MMEL1: variants seen among roughly 807,000 people sequenced by gnomAD.
The protein encoded by MMEL1 is membrane metallo-endopeptidase-like 1.
MMEL1 carries 98 observed loss-of-function variants against 117.1 expected under a neutral mutation model. That is an observed-to-expected ratio of 0.84 (90% CI 0.71 to 0.99). MMEL1 has a LOEUF of 0.99. Ranked by LOEUF, MMEL1 falls within the 50% of genes least tolerant of loss-of-function variation. MMEL1 has a pLI of 0.00. For missense variants in MMEL1, 1,014 were observed against 1,049.1 expected, an observed-to-expected ratio of 0.97 and a Z score of 0.46; for synonymous variants, 390 against 415.1, an observed-to-expected ratio of 0.94 and a Z score of 0.74.
At chr1:2,611,039 C>T (rs1043948355) in intron 4 of MMEL1, among the ~76,000 whole-genome samples, 1 of 152,248 alleles carries the variant, frequency 6.6e-6, no homozygotes, top group Non-Finnish European at 1.5e-5. Flanking sequence ...GTTCTTGGCA[C>T]GGGATGCTGT....
At chr1:2,600,209 C>T (rs948130502) in intron 11 of MMEL1, among the ~76,000 whole-genome samples, 2 of 151,998 alleles carry the variant, frequency 1.3e-5, no homozygotes, top group African/African-American at 4.8e-5. Context: ...CTCAGGTGAT[C>T]CACCTGCCTC....
intron 13 of MMEL1, 75 bp downstream of exon 13, chr1:2,598,132 C>T: frequency 7.1e-7 from 1 of 1,407,724 alleles, no homozygotes; most frequent in Non-Finnish European, 1.0e-6. Flanking sequence ...TCGGTGTTTG[C>T]CTACAGCTTA....
chr1:2,592,586 CCCCCTCCCCTGCCGCGCTGACG>C lies in MMEL1; in HGVS notation c.2067+47_2067+68del. 2 of 598,382 alleles carry C rather than the reference CCCCCTCCCCTGCCGCGCTGACG, an allele frequency of 3.3e-6. 1 individual carries two copies. The allele number at this position is 598,382 out of a possible 1,614,324, so 37.1% of individuals were successfully genotyped here. A position where few individuals can be genotyped will look rare whatever the true frequency, so the allele number is the denominator to read the frequency against. Reference sequence around the variant, plus strand: ...CGCCCCCTCCCCTGATGCACTGGCACCCCCTCCCCTGCCGCGCTGACGCCCCCTCCCCTGCCGCGCTGACGCC... The same window carrying C: ...CGCCCCCTCCCCTGATGCACTGGCACCCCCCTCCCCTGCCGCGCTGACGCC... On this transcript the variant is annotated intron_variant, in intron 21 of 23. Coordinates refer to ENST00000378412, the MANE Select transcript of MMEL1 (RefSeq NM_033467.4).
intron 2 of MMEL1, among the ~76,000 whole-genome samples, chr1:2,616,366 CA>C (rs1205438991): frequency 1.6e-5 from 2 of 126,904 alleles, no homozygotes; most frequent in South Asian, 2.6e-4. Flanking sequence ...AAAAAGCAGA[CA>C]AAAAAAGACA....
At chr1:2,614,929 G>A (rs777001532) in intron 2 of MMEL1, among the ~76,000 whole-genome samples, 17 of 151,808 alleles carry the variant, frequency 1.1e-4, no homozygotes, top group South Asian at 2.1e-4. Flanking sequence ...CCAAATTCAC[G>A]ATAATGGGGA....
intron 13 of MMEL1, among the ~76,000 whole-genome samples, 174 bp downstream of exon 13, chr1:2,598,033 G>A (rs1203962980): frequency 6.6e-6 from 1 of 152,242 alleles, no homozygotes; most frequent in Non-Finnish European, 1.5e-5. Flanking sequence ...GCAGAGCTAC[G>A]TTCTGCCTTG....
At chr1:2,594,667 A>AC (rs1644802431) in intron 17 of MMEL1, 123 bp downstream of exon 17, 3 of 929,806 alleles carry the variant, frequency 3.2e-6, no homozygotes, top group Non-Finnish European at 3.4e-6. Flanking sequence ...CAGTGACTGC[A>AC]CCCCTCAGCT....
intron 11 of MMEL1, 138 bp downstream of exon 11, chr1:2,603,740 TCAGGTA>T (rs1644971781): frequency 2.9e-6 from 2 of 680,208 alleles, no homozygotes; most frequent in Admixed American, 5.7e-5. Context: ...GTTTGGGTGA[TCAGGTA>T]CAGGGTCTCC....
intron 9 of MMEL1, 93 bp downstream of exon 9, chr1:2,605,465 G>A: frequency 9.0e-7 from 1 of 1,115,266 alleles, no homozygotes; most frequent in Non-Finnish European, 1.3e-6. Flanking sequence ...ACCAGCTTCG[G>A]GGAGGGAAGG....
intron 6 of MMEL1, 110 bp from the exon 7 acceptor site, chr1:2,607,179 C>T (rs543292206): frequency 6.9e-6 from 6 of 869,590 alleles, no homozygotes; most frequent in African/African-American, 5.0e-5. Flanking sequence ...ACAGCCCCTG[C>T]AGTGCTCCGC....
At chr1:2,608,456 C>T (rs1238027135) in intron 6 of MMEL1, among the ~76,000 whole-genome samples, 1 of 152,100 alleles carries the variant, frequency 6.6e-6, no homozygotes, top group East Asian at 1.9e-4. Context: ...TCCACATGCA[C>T]ACACAAGCAC....
chr1:2,593,171 G>A (rs746136294), intron 19 of MMEL1, among the ~76,000 whole-genome samples: 17 of 152,202 alleles, frequency 1.1e-4, no homozygotes, highest in Admixed American at 3.3e-4. Flanking sequence ...CCCCAGAGAA[G>A]GAGGGCTTCA....
chr1:2,627,974 C>T (rs1046104803), intron 2 of MMEL1, among the ~76,000 whole-genome samples: 1 of 152,192 alleles, frequency 6.6e-6, no homozygotes, highest in Admixed American at 6.5e-5. Flanking sequence ...GGGAGGGTCT[C>T]TCTGGGATGG....
In MMEL1 at chr1:2,606,230, C is replaced by G. The variant is rs1645024868; in HGVS notation, c.750+18G>C. 1 of 1,603,628 alleles carries G rather than the reference C, an allele frequency of 6.2e-7. No homozygotes were observed. Among genetic ancestry groups the G allele is most frequent in the Non-Finnish European group, 8.5e-7 (1 of 1,171,584 alleles). ...CTTGGGGACCCTGCCTACCCCTGCC[C>G]ACCGGCGCGGCTCGTACGTAGATGA... is the stretch of plus-strand genomic sequence containing the variant. On this transcript the variant is annotated intron_variant, in intron 8 of 23. Transcript: ENST00000378412.
At position 2,609,337 on chromosome 1, in the gene MMEL1, A is replaced by G; in HGVS notation, c.535+2T>C. 6.2e-7 allele frequency: 1 copy of G among 1,608,368 alleles called. No homozygotes were observed. The highest frequency in any genetic ancestry group is 8.5e-7 in the Non-Finnish European group (1 of 1,178,046). ...GGCCCCTTCCTGGCGGCCCCCACTC[A>G]CTCTGGTTCATGCAGGAGCGGTACA... On this transcript the variant is annotated splice_donor_variant, in intron 6 of 23. Transcript: ENST00000378412. LOFTEE classifies it high-confidence loss of function.
intron 2 of MMEL1, among the ~76,000 whole-genome samples, chr1:2,623,940 G>A (rs1378587873): frequency 6.6e-6 from 1 of 152,222 alleles, no homozygotes; most frequent in East Asian, 1.9e-4. Context: ...GGAAGGGCAG[G>A]AGATCCTTGT....
rs1644830175 is a variant in MMEL1, at chr1:2,595,927, G to GTCCTGTCTGCGCCT, written c.1500+81_1500+82insAGGCGCAGACAGGA. Reference sequence around the variant, plus strand: ...CCCGGGGCTGCCTTCTCCCCGTGGGGACCGTCAGGAGGCTTTGTCGGGGCG... The same window carrying GTCCTGTCTGCGCCT: ...CCCGGGGCTGCCTTCTCCCCGTGGGGTCCTGTCTGCGCCTACCGTCAGGAGGCTTTGTCGGGGCG... On this transcript the variant is annotated intron_variant, in intron 15 of 23. Coordinates refer to ENST00000378412, the MANE Select transcript of MMEL1 (RefSeq NM_033467.4). The surrounding 1 kb of genome is among the most constrained non-coding windows in gnomAD (Gnocchi z 4.8). 2 of 1,233,248 alleles carry GTCCTGTCTGCGCCT rather than the reference G, an allele frequency of 1.6e-6. No homozygotes were observed. The highest frequency in any genetic ancestry group is 3.0e-5 in the African/African-American group (2 of 67,354). The allele number at this position is 1,233,248 out of a possible 1,614,324, so 76.4% of individuals were successfully genotyped here. A position where few individuals can be genotyped will look rare whatever the true frequency, so the allele number is the denominator to read the frequency against.
At chr1:2,611,407 T>C in intron 3 of MMEL1, 67 bp from the exon 4 acceptor site, 1 of 668,730 alleles carries the variant, frequency 1.5e-6, no homozygotes, top group South Asian at 5.1e-5. Context: ...GGAGTGGGTG[T>C]GGGCGGGGCA....
rs1345512443 is a variant in MMEL1, at chr1:2,595,320, T to C, written c.1540A>G (p.Ile514Val). ...AGGCGCCTGTTCATCTCCTCCAGGA[T>C]GTAGTCAGGGTGCCCGATCTGCTCC... ...IREQIGHPDY[I>V]LEEMNRRLDE... is the part of the protein sequence containing the mutation. The change falls in exon 16 of 24, where the codon ATC (isoleucine) becomes GTC (valine). Residue 514 changes from isoleucine (I) to valine (V), a missense_variant. Ile to Val is a conservative substitution (Grantham distance 29). Transcript: ENST00000378412. The surrounding 1 kb of genome is among the most constrained non-coding windows in gnomAD (Gnocchi z 4.8). 6.2e-7 allele frequency: 1 copy of C among 1,613,728 alleles called. No individual in the cohort carries two copies. The highest frequency in any genetic ancestry group is 1.3e-5 in the African/African-American group (1 of 74,900).
Sources: gnomAD v4.1 joint callset for allele counts (sites outside exome capture counted in the v4.1 genomes callset) on GRCh38, gnomAD v4.1.1 for gene constraint, Gnocchi (gnomAD v3.1) non-coding constraint, MANE v1.5 for transcripts, NCBI Gene and HGNC (gene_info 2026-07-23, HGNC 2026-07-21) for gene names.